The following SLC4A8 variants were observed in gnomAD, a reference collection of about 807,000 sequenced individuals.
SLC4A8 encodes electroneutral sodium bicarbonate exchanger 1.
SLC4A8 carries 40 observed loss-of-function variants against 125.0 expected under a neutral mutation model. The observed-to-expected ratio is 0.32, with a 90% CI of 0.25 to 0.42. The LOEUF is 0.42. SLC4A8 is among the 10% of genes least tolerant of loss of function. The probability of loss-of-function intolerance (pLI) is 1.00; values close to 1 mark genes in which losing one functional copy is unlikely to be tolerated. For missense variants in SLC4A8, 863 were observed against 1,355.1 expected, an observed-to-expected ratio of 0.64 and a Z score of 5.70; for synonymous variants, 456 against 476.0, an observed-to-expected ratio of 0.96 and a Z score of 0.55.
At chr12:51,445,496 C>G (rs2138152788) in intron 2 of SLC4A8, among the ~76,000 whole-genome samples, 1 of 152,246 alleles carries the variant, frequency 6.6e-6, no homozygotes, top group African/African-American at 2.4e-5. Flanking sequence ...TCGAATTATG[C>G]TTTTTACAGC....
chr12:51,418,500 G>A (rs1222160224), intron 1 of SLC4A8, among the ~76,000 whole-genome samples: 1 of 152,076 alleles, frequency 6.6e-6, no homozygotes, highest in African/African-American at 2.4e-5. Flanking sequence ...TTTTAAGATT[G>A]TATTTTTTCC....
In SLC4A8 at chr12:51,473,672, A is replaced by G. The variant is rs1456142626; in HGVS notation, c.1905-670A>G. Among the ~76,000 whole-genome samples, 3 of 152,170 alleles carry G rather than the reference A, an allele frequency of 2.0e-5. No individual in the cohort carries two copies. In the East Asian group the frequency reaches 5.8e-4, roughly 29 times the overall value. On this transcript the variant is annotated intron_variant, in intron 14 of 24. Transcript: ENST00000453097. Reference sequence around the variant, plus strand: ...CAGGTCAGGCATGAAGCATGCTGGGACTGGGAGGCAACATGGTGGCCAATG... The same window carrying G: ...CAGGTCAGGCATGAAGCATGCTGGGGCTGGGAGGCAACATGGTGGCCAATG...
chr12:51,394,359 G>T (rs952137663), intron 1 of SLC4A8, among the ~76,000 whole-genome samples: 8 of 152,232 alleles, frequency 5.3e-5, no homozygotes, highest in Non-Finnish European at 7.3e-5. Flanking sequence ...TCATGAGTCC[G>T]CAGGATGTGT....
intron 1 of SLC4A8, among the ~76,000 whole-genome samples, chr12:51,416,941 A>G (rs867025349): frequency 6.6e-6 from 1 of 152,068 alleles, no homozygotes; most frequent in Non-Finnish European, 1.5e-5. Flanking sequence ...CCTGGGTAAC[A>G]TGGTGAAATC....
At chr12:51,432,951 G>A (rs1321677571) in intron 1 of SLC4A8, among the ~76,000 whole-genome samples, 1 of 152,154 alleles carries the variant, frequency 6.6e-6, no homozygotes, top group Non-Finnish European at 1.5e-5. Context: ...AGGAAAGGAG[G>A]TGGGATTCAT....
chr12:51,418,672 A>C (rs1384032537), intron 1 of SLC4A8, among the ~76,000 whole-genome samples: 2 of 152,340 alleles, frequency 1.3e-5, no homozygotes, highest in East Asian at 3.9e-4. Context: ...TAGAGATAGA[A>C]AAAAGATAAG....
intron 1 of SLC4A8, among the ~76,000 whole-genome samples, chr12:51,436,877 T>C (rs1025751556): frequency 1.6e-4 from 25 of 152,182 alleles, no homozygotes; most frequent in African/African-American, 6.0e-4. Flanking sequence ...TCCACCTGCC[T>C]TGGGCTCCCA....
chr12:51,426,159 C>T (rs1428227483), intron 1 of SLC4A8, among the ~76,000 whole-genome samples: 2 of 152,164 alleles, frequency 1.3e-5, no homozygotes, highest in South Asian at 2.1e-4. Flanking sequence ...CCTGAGTTTG[C>T]AACAAAATGA....
chr12:51,460,794 T>C (rs74579862), intron 8 of SLC4A8, among the ~76,000 whole-genome samples: 2,716 of 152,324 alleles, frequency 0.018, 40 homozygotes, highest in South Asian at 0.027. Context: ...AGAACACATT[T>C]AGACTCCTCT....
rs1369290674 is a variant in SLC4A8 at position 51,497,128 on chromosome 12, A to G, written c.3081+4A>G. 3 of 1,611,118 alleles carry G rather than the reference A, an allele frequency of 1.9e-6. No homozygotes were observed. The highest frequency in any genetic ancestry group is 1.7e-6 in the Non-Finnish European group (2 of 1,179,254). ...AAAGAAGGCCAAGGAGGAAGAGGTC[A>G]TAGTCCTTGCACCAACTGTATACCT... On this transcript the variant is annotated splice_donor_region_variant and intron_variant, in intron 22 of 24. Coordinates refer to ENST00000453097, the MANE Select transcript of SLC4A8 (RefSeq NM_001039960.3).
rs1938454855 is a variant in SLC4A8 at position 51,514,104 on chromosome 12, A to G, written c.*6666A>G. The G allele has an allele frequency of 6.6e-6, 1 of 152,576 alleles. No homozygotes were observed. 9.5% of individuals were successfully genotyped at this position (152,576 alleles called of 1,614,324 possible). The stretch of plus-strand genomic sequence containing the variant: ...AACGAGCATCAGAAATGCTATCAAT[A>G]TATTCTCTCTGTTGCTTTATCAGCT... On this transcript the variant is annotated 3_prime_UTR_variant, in exon 25 of 25. Transcript: ENST00000453097.
chr12:51,494,882 G>T, intron 20 of SLC4A8, 63 bp from the exon 21 acceptor site: 2 of 1,384,190 alleles, frequency 1.4e-6, no homozygotes, highest in Non-Finnish European at 1.0e-6. Context: ...ATATGAATTG[G>T]TCTAACAAAG....
At chr12:51,476,117 C>G (rs893449066) in intron 16 of SLC4A8, among the ~76,000 whole-genome samples, 3 of 152,166 alleles carry the variant, frequency 2.0e-5, no homozygotes, top group Non-Finnish European at 4.4e-5. Context: ...AGCCACATAC[C>G]TTTTTAATTT....
intron 16 of SLC4A8, among the ~76,000 whole-genome samples, chr12:51,478,933 C>G (rs568131444): frequency 4.2e-4 from 11 of 25,948 alleles, no homozygotes; most frequent in Non-Finnish European, 7.5e-4. Context: ...CCCTCATCTT[C>G]CCTGTGCCTC....
At chr12:51,460,220 T>G (rs1010470591) in intron 8 of SLC4A8, 112 bp downstream of exon 8, 120 of 946,100 alleles carry the variant, frequency 1.3e-4, no homozygotes, top group Middle Eastern at 6.9e-4. Flanking sequence ...TTAGGAATGG[T>G]GTTTACAATT....
intron 1 of SLC4A8, among the ~76,000 whole-genome samples, chr12:51,400,777 T>A (rs990602479): frequency 9.0e-4 from 9 of 10,010 alleles, no homozygotes; most frequent in African/African-American, 4.3e-3. Context: ...TATATATATA[T>A]ACATACATAC....
In SLC4A8 at chr12:51,469,086, G is replaced by A. The variant is rs528797540; in HGVS notation, c.1350-528G>A. The A allele has an allele frequency of 6.5e-5, 10 of 152,956 alleles. No individual in the cohort carries two copies. In the East Asian group the frequency reaches 7.7e-4, roughly 12 times the overall value. 9.5% of individuals were successfully genotyped at this position (152,956 alleles called of 1,614,324 possible). ...GGCTGTTCATGTCTTGCTCATTGCC[G>A]CATCTCCAGTACCTGGCACAGTGCT... is the stretch of plus-strand genomic sequence containing the variant. On this transcript the variant is annotated intron_variant, in intron 11 of 24. Coordinates refer to ENST00000453097, the MANE Select transcript of SLC4A8 (RefSeq NM_001039960.3).
intron 1 of SLC4A8, 115 bp downstream of exon 1, chr12:51,425,150 G>T: frequency 6.9e-7 from 1 of 1,451,158 alleles, no homozygotes; most frequent in Non-Finnish European, 9.1e-7. Context: ...GCTCCCTGAG[G>T]GCGAGGGGAG....
At chr12:51,406,336 A>G (rs571525763) in intron 1 of SLC4A8, among the ~76,000 whole-genome samples, 1 of 152,356 alleles carries the variant, frequency 6.6e-6, no homozygotes, top group South Asian at 2.1e-4. Context: ...TTTGAAAGCA[A>G]TGTGGAAGCC....
Sources: allele counts gnomAD v4.1 joint callset (sites outside exome capture counted in the v4.1 genomes callset), GRCh38; gene constraint gnomAD v4.1.1; transcripts MANE v1.5; gene names NCBI Gene and HGNC (gene_info 2026-07-23, HGNC 2026-07-21).